Variants in MAST4 observed in about 807,000 individuals in gnomAD.
The protein encoded by MAST4 is microtubule-associated serine/threonine-protein kinase 4.
A neutral mutation model predicts 162.7 loss-of-function variants in MAST4; 89 were observed. That is an observed-to-expected ratio of 0.55 (90% CI 0.46 to 0.65). The LOEUF is 0.65. MAST4 is among the 30% of genes least tolerant of loss of function. MAST4 has a pLI of 0.00. For missense variants in MAST4, 3,153 were observed against 3,374.0 expected (o/e 0.93, Z 1.62); for synonymous variants, 1,479 against 1,361.1 (o/e 1.09, Z -1.91).
At chr5:66,760,389 C>T (rs1426300273) in intron 2 of MAST4, among the ~76,000 whole-genome samples, 1 of 152,074 alleles carries the variant, frequency 6.6e-6, no homozygotes, top group African/African-American at 2.4e-5. Context: ...GCTGGGATTA[C>T]AGGTGTGAGC....
chr5:66,977,889 A>T (rs1210385979), intron 4 of MAST4, among the ~76,000 whole-genome samples: 1 of 152,194 alleles, frequency 6.6e-6, no homozygotes, highest in Non-Finnish European at 1.5e-5. Context: ...ACTACACAGG[A>T]TTCGAACTCA....
rs1743006797 is a variant in MAST4 at position 66,608,046 on chromosome 5, A to G, written c.363+11028A>G. On this transcript the variant is annotated intron_variant, in intron 1 of 28. Coordinates refer to ENST00000403625, the MANE Select transcript of MAST4 (RefSeq NM_001164664.2). Reference sequence around the variant, plus strand: ...TCAAGCAAATTATATCCATCACCTCACATGCTTACTTTTTTTTTTTGTTTT... The same window carrying G: ...TCAAGCAAATTATATCCATCACCTCGCATGCTTACTTTTTTTTTTTGTTTT... Among the ~76,000 whole-genome samples the G allele has an allele frequency of 2.0e-5, 3 of 149,848 alleles. No homozygotes were observed. The South Asian group carries it at 6.3e-4, about 31-fold the overall frequency.
rs371786973 is a variant in MAST4, at chr5:66,888,095, A to ATGGCAGGT, written c.643-11856_643-11855insTGGCAGGT. Among the ~76,000 whole-genome samples, 1,166 of 152,270 alleles carry ATGGCAGGT rather than the reference A, an allele frequency of 7.7e-3. 21 individuals carry two copies. The highest frequency in any genetic ancestry group is 0.027 in the African/African-American group (1,104 of 41,542). On this transcript the variant is annotated intron_variant, in intron 3 of 28. Coordinates refer to ENST00000403625, the MANE Select transcript of MAST4 (RefSeq NM_001164664.2). ...TACATTGGAGAAAATACTTTAAAAA[A>ATGGCAGGT]ACTGTACCCTGTAACAAATAGAATC...
chr5:66,759,654 A>T, intron 1 of MAST4, 55 bp from the exon 2 acceptor site: 1 of 1,592,726 alleles, frequency 6.3e-7, no homozygotes. Context: ...TTGGTCTTTC[A>T]TTCTAGGCTG....
chr5:66,819,795 A>G (rs999331240), intron 3 of MAST4, among the ~76,000 whole-genome samples: 24 of 135,276 alleles, frequency 1.8e-4, no homozygotes, highest in African/African-American at 5.8e-4. Flanking sequence ...TTTTTTTCCA[A>G]CAGGGTCTCA....
intron 1 of MAST4, among the ~76,000 whole-genome samples, chr5:66,685,302 A>C (rs1017210694): frequency 7.4e-5 from 11 of 148,678 alleles, no homozygotes; most frequent in Non-Finnish European, 7.4e-5. Flanking sequence ...AAAACAAAAC[A>C]AAACCACACA....
At chr5:66,821,192 T>A (rs912700959) in intron 3 of MAST4, among the ~76,000 whole-genome samples, 1 of 152,220 alleles carries the variant, frequency 6.6e-6, no homozygotes, top group African/African-American at 2.4e-5. Flanking sequence ...TCTCTTTTAT[T>A]TGGAGTGGGA....
At chr5:67,111,366 G>A (rs542224147) in intron 11 of MAST4, among the ~76,000 whole-genome samples, 22 of 152,116 alleles carry the variant, frequency 1.4e-4, no homozygotes, top group Non-Finnish European at 2.5e-4. Context: ...TGAAATATTC[G>A]CAGCACCATA....
chr5:66,926,392 A>G (rs1438914457), intron 4 of MAST4, among the ~76,000 whole-genome samples: 2 of 152,116 alleles, frequency 1.3e-5, no homozygotes, highest in East Asian at 1.9e-4. Context: ...TACTAAAAAT[A>G]CAAAAATTAG....
chr5:67,144,827 C>T (rs1770867102), intron 22 of MAST4, 31 bp downstream of exon 22: 2 of 1,567,254 alleles, frequency 1.3e-6, no homozygotes, highest in Non-Finnish European at 1.7e-6. Flanking sequence ...GTAATATAAG[C>T]AGTAGCTACT....
chr5:66,865,337 A>G (rs1370641400), intron 3 of MAST4, among the ~76,000 whole-genome samples: 1 of 152,238 alleles, frequency 6.6e-6, no homozygotes, highest in Non-Finnish European at 1.5e-5. Context: ...ACTGAGAGCC[A>G]TGCTTTAGAA....
In MAST4 at chr5:66,713,668, C is replaced by T. The variant is rs75456055; in HGVS notation, c.364-46041C>T. On this transcript the variant is annotated intron_variant, in intron 1 of 28. Transcript: ENST00000403625. ...TAGTTTGTACATTACTTATTGCAAA[C>T]GTTTCGTAATATGCCCTCTTGTGGG... 8.3e-3 allele frequency among the ~76,000 whole-genome samples: 1,259 copies of T among 152,204 alleles called. 17 individuals are homozygous for T. The highest frequency in any genetic ancestry group is 0.029 in the African/African-American group (1,190 of 41,522).
At chr5:66,961,965 A>G (rs1310412317) in intron 4 of MAST4, among the ~76,000 whole-genome samples, 3 of 152,236 alleles carry the variant, frequency 2.0e-5, no homozygotes, top group Non-Finnish European at 2.9e-5. Context: ...AAGATATAAA[A>G]CTTTACTCTG....
intron 19 of MAST4, among the ~76,000 whole-genome samples, chr5:67,140,162 A>G (rs191495647): frequency 2.4e-4 from 37 of 152,338 alleles, no homozygotes; most frequent in African/African-American, 8.9e-4. Flanking sequence ...AGTGATAGTC[A>G]TTGTAGTCTA....
In MAST4 at chr5:67,165,276, G is replaced by A. The variant is rs779986193; in HGVS notation, c.6097G>A (p.Glu2033Lys). ...TTTCTATACACAGACCCAGGCCATG[G>A]AGAAAGCATGGGCGCCGGGTGGGAA... ...PDFYTQTQAM[E>K]KAWAPGGKTN... The change falls in exon 29 of 29, where the codon GAG (glutamate) becomes AAG (lysine). Residue 2033 changes from glutamate to lysine, a missense_variant. Glu to Lys is a moderately conservative substitution (Grantham distance 56). Coordinates refer to ENST00000403625, the MANE Select transcript of MAST4 (RefSeq NM_001164664.2). 3 of 1,613,414 alleles carry A rather than the reference G, an allele frequency of 1.9e-6. No homozygotes were observed. The South Asian group carries it at 3.3e-5, about 18-fold the overall frequency.
At chr5:66,660,081 G>A (rs1215635228) in intron 1 of MAST4, among the ~76,000 whole-genome samples, 1 of 152,148 alleles carries the variant, frequency 6.6e-6, no homozygotes, top group Non-Finnish European at 1.5e-5. Context: ...AAGTGAAAGA[G>A]TGGCACATGA....
At chr5:66,712,870 G>A (rs1750585247) in intron 1 of MAST4, among the ~76,000 whole-genome samples, 1 of 152,164 alleles carries the variant, frequency 6.6e-6, no homozygotes, top group African/African-American at 2.4e-5. Context: ...TTGTTTTAGT[G>A]AAACCTATAC....
At chr5:66,758,717 A>C (rs1275467559) in intron 1 of MAST4, among the ~76,000 whole-genome samples, 1 of 152,142 alleles carries the variant, frequency 6.6e-6, no homozygotes, top group African/African-American at 2.4e-5. Context: ...CCAGGTGATC[A>C]CCTCTTTTCC....
chr5:66,780,472 C>T (rs1297531278), intron 2 of MAST4, among the ~76,000 whole-genome samples: 1 of 152,272 alleles, frequency 6.6e-6, no homozygotes, highest in East Asian at 1.9e-4. Flanking sequence ...CCAGTGGGCT[C>T]GTGGTCTCGC....
Sources: allele counts gnomAD v4.1 joint callset (sites outside exome capture counted in the v4.1 genomes callset), GRCh38; gene constraint gnomAD v4.1.1; transcripts MANE v1.5; gene names NCBI Gene and HGNC (gene_info 2026-07-23, HGNC 2026-07-21).